Variants in ATP8A1 observed in about 807,000 individuals in gnomAD.
ATP8A1 encodes the protein ATPase phospholipid transporting 8A1.
ATP8A1 carries 90 observed loss-of-function variants against 177.7 expected under a neutral mutation model. The ratio of observed to expected loss-of-function variants is 0.51; its 90% confidence interval spans 0.43 to 0.60. The LOEUF (loss-of-function observed/expected upper bound fraction) is 0.60, where lower values mean the gene tolerates loss of function less well. ATP8A1 is among the 20% of genes least tolerant of loss of function. ATP8A1 has a pLI of 0.00. For missense variants in ATP8A1, 1,072 were observed against 1,392.8 expected (o/e 0.77, Z 3.67); for synonymous variants, 493 against 485.9 (o/e 1.01, Z -0.19).
intron 25 of ATP8A1, among the ~76,000 whole-genome samples, chr4:42,480,862 G>T (rs1721598209): frequency 6.6e-6 from 1 of 152,164 alleles, no homozygotes; most frequent in Non-Finnish European, 1.5e-5. Context: ...AGGAAAAAAT[G>T]CTTACTTCAA....
At chr4:42,468,430 TACACACAC>T (rs139371340) in intron 25 of ATP8A1, among the ~76,000 whole-genome samples, 3 of 150,408 alleles carry the variant, frequency 2.0e-5, no homozygotes, top group African/African-American at 7.3e-5. Flanking sequence ...ATATATTTTA[TACACACAC>T]ACACACACAC....
At chr4:42,619,504 T>C (rs1737244502) in intron 4 of ATP8A1, among the ~76,000 whole-genome samples, 1 of 152,016 alleles carries the variant, frequency 6.6e-6, no homozygotes, top group South Asian at 2.1e-4. Flanking sequence ...AAAATCATAG[T>C]ATGTTAAGTT....
Position 42,555,127 on chromosome 4 carries a change from ATCTATCTAT to A in ATP8A1, c.1413+832_1413+840del, listed in dbSNP as rs1560454360. ...TATCTATCTATCTATCTATCTATCT[ATCTATCTAT>A]CTAATCTATCTATCTATCTATCTAT... is the stretch of plus-strand genomic sequence containing the variant. On this transcript the variant is annotated intron_variant, in intron 16 of 36. Transcript: ENST00000381668. Among the ~76,000 whole-genome samples, 52 of 92,494 alleles carry A rather than the reference ATCTATCTAT, an allele frequency of 5.6e-4. 1 individual carries two copies. Among genetic ancestry groups the A allele is most frequent in the African/African-American group, 2.4e-3 (49 of 20,574 alleles). 60.7% of individuals were successfully genotyped at this position (92,494 alleles called of 152,430 possible). A position where few individuals can be genotyped will look rare whatever the true frequency, so the allele number is the denominator to read the frequency against.
intron 9 of ATP8A1, among the ~76,000 whole-genome samples, chr4:42,584,563 ACT>A (rs1343019976): frequency 6.6e-6 from 1 of 151,312 alleles, no homozygotes; most frequent in Non-Finnish European, 1.5e-5. Flanking sequence ...CAGTTTCTTC[ACT>A]CTCTCTTGGT....
intron 24 of ATP8A1, among the ~76,000 whole-genome samples, chr4:42,492,378 C>G (rs559066347): frequency 1.1e-4 from 16 of 152,258 alleles, no homozygotes; most frequent in African/African-American, 3.6e-4. Context: ...GAATGAGGGT[C>G]TGTATCCCAC....
chr4:42,626,916 T>G, intron 2 of ATP8A1, 79 bp downstream of exon 2: 1 of 1,073,748 alleles, frequency 9.3e-7, no homozygotes, highest in South Asian at 1.3e-5. Context: ...CACTGAAAGC[T>G]CTTTGCAAGC....
At position 42,549,438 on chromosome 4, in the gene ATP8A1, A is replaced by AG. The variant is rs1174767461; in HGVS notation, c.1603-377dup. Among the ~76,000 whole-genome samples the AG allele has an allele frequency of 9.3e-5, 6 of 64,494 alleles. 1 individual carries two copies. The highest frequency in any genetic ancestry group is 4.0e-4 in the Admixed American group (2 of 5,000). The allele number at this position is 64,494 out of a possible 152,430, so 42.3% of individuals were successfully genotyped here. ...TATGGGAACAATTAATATAGATAAT[A>AG]GGGGGGAAAAAAGGGAAGCAATGAA... On this transcript the variant is annotated intron_variant, in intron 18 of 36. Coordinates refer to ENST00000381668, the MANE Select transcript of ATP8A1 (RefSeq NM_006095.2).
intron 24 of ATP8A1, among the ~76,000 whole-genome samples, chr4:42,498,811 T>C (rs1056497224): frequency 9.9e-5 from 15 of 152,202 alleles, no homozygotes; most frequent in Admixed American, 9.2e-4. Flanking sequence ...TATTCTTGTT[T>C]TACAAATGTA....
intron 20 of ATP8A1, among the ~76,000 whole-genome samples, chr4:42,543,250 TA>T (rs1378556447): frequency 6.6e-6 from 1 of 152,148 alleles, no homozygotes; most frequent in Non-Finnish European, 1.5e-5. Flanking sequence ...TTGTTGACTC[TA>T]TTCAAAATAG....
At chr4:42,564,108 G>A (rs1731120097) in intron 15 of ATP8A1, among the ~76,000 whole-genome samples, 1 of 152,152 alleles carries the variant, frequency 6.6e-6, no homozygotes, top group Non-Finnish European at 1.5e-5. Flanking sequence ...TTGCGGGGCG[G>A]GGAAAATTGA....
At chr4:42,641,248 G>C (rs1209401990) in intron 1 of ATP8A1, among the ~76,000 whole-genome samples, 1 of 152,168 alleles carries the variant, frequency 6.6e-6, no homozygotes, top group Non-Finnish European at 1.5e-5. Flanking sequence ...AGAAGCAACT[G>C]TGTAAATACA....
intron 29 of ATP8A1, among the ~76,000 whole-genome samples, chr4:42,452,900 C>T (rs963138595): frequency 1.3e-5 from 2 of 152,186 alleles, no homozygotes; most frequent in East Asian, 1.9e-4. Context: ...GTTCAAACAA[C>T]AGAAATTAAG....
At position 42,552,505 on chromosome 4, in the gene ATP8A1, C is replaced by A; in HGVS notation, c.1519G>T (p.Asp507Tyr). The A allele has an allele frequency of 1.2e-6, 2 of 1,604,708 alleles. No homozygotes were observed. Among genetic ancestry groups the A allele is most frequent in the Non-Finnish European group, 1.7e-6 (2 of 1,173,310 alleles). Residue 507 changes from aspartate to tyrosine, a missense_variant and splice_region_variant, in exon 17 of 37, where the codon GAT (aspartate) becomes TAT (tyrosine). Asp to Tyr is a radical substitution (Grantham distance 160). This residue lies in a region of ATP8A1 where 388 missense variants were observed against 471.7 expected (regional missense o/e 0.82). Coordinates refer to ENST00000381668, the MANE Select transcript of ATP8A1 (RefSeq NM_006095.2). ...DKIIYQAASP[D>Y]EGALVRAAKQ... is the part of the protein sequence containing the mutation. ...TACTTTACAATTGCTTCATTTGTACCTGGAGATGCTGCTTGATAAATAATC... is the reference window on the plus strand; with the variant it reads ...TACTTTACAATTGCTTCATTTGTACATGGAGATGCTGCTTGATAAATAATC...
At chr4:42,577,912 G>T (rs971298097) in intron 12 of ATP8A1, among the ~76,000 whole-genome samples, 5 of 152,122 alleles carry the variant, frequency 3.3e-5, no homozygotes, top group African/African-American at 1.2e-4. Context: ...CCCTATGATT[G>T]TGTTCAAGAA....
At chr4:42,581,570 TAC>T (rs1733078859) in intron 10 of ATP8A1, 49 bp downstream of exon 10, 1 of 1,301,788 alleles carries the variant, frequency 7.7e-7, no homozygotes, top group Non-Finnish European at 1.1e-6. Flanking sequence ...CTGTAAATCA[TAC>T]ACTCACAAAA....
At chr4:42,470,369 A>C (rs889623984) in intron 25 of ATP8A1, among the ~76,000 whole-genome samples, 1 of 152,242 alleles carries the variant, frequency 6.6e-6, no homozygotes, top group African/African-American at 2.4e-5. Flanking sequence ...TAAGCTAAGA[A>C]GTATATAGGT....
intron 20 of ATP8A1, among the ~76,000 whole-genome samples, chr4:42,525,452 G>A (rs1397563838): frequency 6.6e-6 from 1 of 152,114 alleles, no homozygotes; most frequent in African/African-American, 2.4e-5. Flanking sequence ...TGGGTATTGT[G>A]GGAGAACCTC....
chr4:42,496,737 TATATACACAC>T lies in ATP8A1; in HGVS notation c.2151+6703_2151+6712del, dbSNP rs1310200630. Among the ~76,000 whole-genome samples, 33 of 152,250 alleles carry T rather than the reference TATATACACAC, an allele frequency of 2.2e-4. No individual in the cohort carries two copies. In the South Asian group the frequency reaches 5.4e-3, roughly 25 times the overall value. On this transcript the variant is annotated intron_variant, in intron 24 of 36. Transcript: ENST00000381668. ...CACAATTTCCATTATTTTATATAGA[TATATACACAC>T]ATATACACACATATATATACGCACA...
At chr4:42,654,086 C>A (rs148770667) in intron 1 of ATP8A1, among the ~76,000 whole-genome samples, 3 of 152,192 alleles carry the variant, frequency 2.0e-5, no homozygotes, top group Admixed American at 2.0e-4. Context: ...TCAGACTCTG[C>A]GTTTAACAAG....
Sources: gnomAD v4.1 joint callset for allele counts (sites outside exome capture counted in the v4.1 genomes callset) on GRCh38, gnomAD v4.1.1 for gene constraint, gnomAD v4.1.1 regional missense constraint, MANE v1.5 for transcripts, NCBI Gene and HGNC (gene_info 2026-07-23, HGNC 2026-07-21) for gene names.